HEATR5B: variants seen among roughly 807,000 people sequenced by gnomAD.
HEATR5B encodes HEAT repeat containing 5B.
A neutral mutation model predicts 224.1 loss-of-function variants in HEATR5B; 156 were observed. That is an observed-to-expected ratio of 0.70 (90% confidence interval 0.61 to 0.80). HEATR5B has a LOEUF of 0.80. HEATR5B is among the 30% of genes least tolerant of loss of function. HEATR5B has a pLI of 0.00. For synonymous variants in HEATR5B, 1,027 were observed against 893.0 expected (o/e 1.15, Z -2.68); for missense variants, 2,323 against 2,535.5 (o/e 0.92, Z 1.80).
rs1026431756 is a variant in HEATR5B, at chr2:37,070,493, G to A, written c.770-106C>T. On this transcript the variant is annotated intron_variant, in intron 6 of 35. Transcript: ENST00000233099. ...GGACACTTTACTACAATGGGGAAAT[G>A]GTTTAGTTTCCTTATAATTGTTTTC... 3.8e-6 allele frequency: 3 copies of A among 786,772 alleles called. No individual in the cohort carries two copies. In the African/African-American group the frequency reaches 5.2e-5, roughly 14 times the overall value. 48.7% of individuals were successfully genotyped at this position (786,772 alleles called of 1,614,324 possible). A position where few individuals can be genotyped will look rare whatever the true frequency, so the allele number is the denominator to read the frequency against.
rs1672838445 is a variant in HEATR5B at position 37,084,305 on chromosome 2, G to A, written c.-59C>T. 3.5e-5 allele frequency: 14 copies of A among 397,800 alleles called. No individual in the cohort carries two copies. The East Asian group carries it at 5.0e-4, about 14-fold the overall frequency. The allele number at this position is 397,800 out of a possible 1,614,324, so 24.6% of individuals were successfully genotyped here. On this transcript the variant is annotated 5_prime_UTR_variant, in exon 1 of 36. Coordinates refer to ENST00000233099, the MANE Select transcript of HEATR5B (RefSeq NM_019024.3). ...GAAGGGAAGATCAGCTGAGCTCCGG[G>A]GGTAGAAGCAGCCACCAAGAGACCC...
Position 37,013,866 on chromosome 2 carries a change from A to T in HEATR5B, c.4259T>A (p.Leu1420Gln). 6.2e-7 allele frequency: 1 copy of T among 1,600,072 alleles called. No homozygotes were observed. The highest frequency in any genetic ancestry group is 8.5e-7 in the Non-Finnish European group (1 of 1,172,764). Residue 1420 changes from leucine (L) to glutamine (Q), a missense_variant, in exon 27 of 36, where the codon CTG (leucine) becomes CAG (glutamine). Coordinates refer to ENST00000233099, the MANE Select transcript of HEATR5B (RefSeq NM_019024.3). ...YRESATTMEKLAVLKAWAEVY... is the reference protein window; with the variant it reads ...YRESATTMEKQAVLKAWAEVY... Reference sequence around the variant, plus strand: ...CTCTGCCCAAGCTTTGAGAACAGCCAGTTTTTCCATGGTCGTGGCACTCTC... The same window carrying T: ...CTCTGCCCAAGCTTTGAGAACAGCCTGTTTTTCCATGGTCGTGGCACTCTC...
chr2:37,013,773 A>G, intron 27 of HEATR5B, 68 bp downstream of exon 27: 1 of 1,365,758 alleles, frequency 7.3e-7, no homozygotes, highest in Middle Eastern at 1.9e-4. Context: ...TACCAACAAG[A>G]GTAGAGGAAC....
chr2:37,050,368 C>T (rs1670461193), intron 17 of HEATR5B, among the ~76,000 whole-genome samples: 1 of 152,158 alleles, frequency 6.6e-6, no homozygotes, highest in African/African-American at 2.4e-5. Context: ...TATAACACAG[C>T]CATAGTCTGA....
intron 33 of HEATR5B, among the ~76,000 whole-genome samples, chr2:36,993,325 T>C (rs1274369335): frequency 6.6e-6 from 1 of 151,636 alleles, no homozygotes; most frequent in African/African-American, 2.4e-5. Flanking sequence ...TCACCTCAGG[T>C]CAGGATTTCG....
chr2:36,984,200 CAA>C (rs1208435239), intron 35 of HEATR5B, among the ~76,000 whole-genome samples: 1 of 29,018 alleles, frequency 3.4e-5, no homozygotes, highest in Non-Finnish European at 6.5e-5. Context: ...AACTCTGTCT[CAA>C]AAAAAAAAAA....
At chr2:37,032,827 A>C in intron 21 of HEATR5B, 54 bp from the exon 22 acceptor site, 1 of 1,498,746 alleles carries the variant, frequency 6.7e-7, no homozygotes, top group South Asian at 1.2e-5. Context: ...GTAATTCTTT[A>C]ATCTTATTTG....
At chr2:36,987,176 C>G (rs1302304677) in intron 35 of HEATR5B, among the ~76,000 whole-genome samples, 2 of 152,272 alleles carry the variant, frequency 1.3e-5, no homozygotes, top group South Asian at 4.1e-4. Flanking sequence ...CGCTTGTAAT[C>G]CGAGCACTTT....
At chr2:36,989,435 TTC>T (rs950240004) in intron 34 of HEATR5B, among the ~76,000 whole-genome samples, 3 of 152,198 alleles carry the variant, frequency 2.0e-5, no homozygotes, top group African/African-American at 7.2e-5. Flanking sequence ...TTATTCCCAC[TTC>T]TGTTTTTAAT....
At chr2:37,059,406 A>ATGTATATGTG (rs1553320979) in intron 12 of HEATR5B, among the ~76,000 whole-genome samples, 1 of 100,224 alleles carries the variant, frequency 1.0e-5, no homozygotes, top group Non-Finnish European at 1.8e-5. Context: ...ATATATGTAT[A>ATGTATATGTG]TGTGTGTGTG....
chr2:37,027,531 T>TA (rs1391836268), intron 24 of HEATR5B, among the ~76,000 whole-genome samples: 3 of 152,254 alleles, frequency 2.0e-5, no homozygotes, highest in African/African-American at 7.2e-5. Flanking sequence ...TGAATTCTGA[T>TA]ACTCTCCATG....
intron 35 of HEATR5B, among the ~76,000 whole-genome samples, chr2:36,988,067 C>G (rs13003519): frequency 1.4e-4 from 21 of 148,378 alleles, no homozygotes; most frequent in African/African-American, 5.2e-4. Flanking sequence ...GCGAGACTGT[C>G]TAAAAAAAAA....
intron 21 of HEATR5B, among the ~76,000 whole-genome samples, chr2:37,035,237 T>C (rs1352899637): frequency 6.6e-6 from 1 of 152,228 alleles, no homozygotes; most frequent in Admixed American, 6.5e-5. Flanking sequence ...CAGGTGTACT[T>C]TTCCTTTTCA....
chr2:37,081,441 A>T (rs1197189606), intron 2 of HEATR5B, among the ~76,000 whole-genome samples: 1 of 152,200 alleles, frequency 6.6e-6, no homozygotes, highest in Non-Finnish European at 1.5e-5. Context: ...TCCAAAGGGT[A>T]AAGAAAACAG....
Position 36,981,187 on chromosome 2 carries a change from C to T in HEATR5B, c.*303G>A, listed in dbSNP as rs980434662. ...ACAGTATCAATAGGCTGCCCGACTA[C>T]ATGATACAATTGTTTTTAGCATTTA... On this transcript the variant is annotated 3_prime_UTR_variant, in exon 36 of 36. Coordinates refer to ENST00000233099, the MANE Select transcript of HEATR5B (RefSeq NM_019024.3). 4.4e-6 allele frequency: 1 copy of T among 226,908 alleles called. No homozygotes were observed. The highest frequency in any genetic ancestry group is 2.3e-5 in the African/African-American group (1 of 43,914). The allele number at this position is 226,908 out of a possible 1,614,324, so 14.1% of individuals were successfully genotyped here. A position where few individuals can be genotyped will look rare whatever the true frequency, so the allele number is the denominator to read the frequency against.
At chr2:37,075,096 G>C (rs1672145362) in intron 5 of HEATR5B, among the ~76,000 whole-genome samples, 1 of 152,168 alleles carries the variant, frequency 6.6e-6, no homozygotes, top group South Asian at 2.1e-4. Flanking sequence ...GCATATGTTT[G>C]TGCAAAAACT....
Position 37,040,459 on chromosome 2 carries a change from G to T in HEATR5B, c.2916C>A (p.Gly972=), listed in dbSNP as rs1263844019. ...CTAGAGATAATGTTGGTTCCACATA[G>T]CCACGATACATCGGACCACTAGAAT... ...IVDSSGPMYR[G]YVEPTLSLVL... The change falls in exon 20 of 36, where the codon GGC becomes GGA. Residue 972 remains glycine (G), a synonymous_variant. Transcript: ENST00000233099. 6.2e-7 allele frequency: 1 copy of T among 1,613,912 alleles called. No individual in the cohort carries two copies. The highest frequency in any genetic ancestry group is 1.1e-5 in the South Asian group (1 of 91,056).
chr2:37,043,294 CA>C (rs1018354435), intron 18 of HEATR5B, among the ~76,000 whole-genome samples: 1 of 152,092 alleles, frequency 6.6e-6, no homozygotes, highest in Non-Finnish European at 1.5e-5. Flanking sequence ...CAATAGATAC[CA>C]AGAAGTAAAA....
chr2:36,985,322 T>A (rs1665871208), intron 35 of HEATR5B, among the ~76,000 whole-genome samples: 1 of 152,204 alleles, frequency 6.6e-6, no homozygotes, highest in African/African-American at 2.4e-5. Context: ...AGTCTTAGAT[T>A]CAGTTTTAAT....
Sources: gnomAD v4.1 joint callset for allele counts (sites outside exome capture counted in the v4.1 genomes callset) on GRCh38, gnomAD v4.1.1 for gene constraint, MANE v1.5 for transcripts, NCBI Gene and HGNC (gene_info 2026-07-23, HGNC 2026-07-21) for gene names.